The following KHDC4 variants were observed in gnomAD, a reference collection of about 807,000 sequenced individuals.
KHDC4 encodes the protein KH domain containing 4, pre-mRNA splicing factor.
In KHDC4, 19 loss-of-function variants were observed where a neutral mutation model predicts 74.5. That is an observed-to-expected ratio of 0.26 (90% CI 0.18 to 0.37). KHDC4 has a LOEUF of 0.37. Ranked by LOEUF, KHDC4 falls within the 10% of genes least tolerant of loss-of-function variation. The pLI is 1.00. For missense variants in KHDC4, 632 were observed against 754.1 expected (o/e 0.84, Z 1.90); for synonymous variants, 253 against 266.1 (o/e 0.95, Z 0.48).
intron 11 of KHDC4, 177 bp from the exon 12 acceptor site, chr1:155,916,914 T>C: frequency 1.9e-6 from 1 of 521,456 alleles, no homozygotes; most frequent in Non-Finnish European, 3.4e-6. Context: ...TTTTTTTTTT[T>C]CTCTATAGGA....
In KHDC4 at chr1:155,929,908, T is replaced by C. The variant is rs1674105885; in HGVS notation, c.256-68A>G. ...ATAAAGTCTATTTTTTTATTTTATT[T>C]ATTTACTTATTTATTTTTTCATTTT... On this transcript the variant is annotated intron_variant, in intron 2 of 13. Transcript: ENST00000368321. 3.4e-5 allele frequency: 37 copies of C among 1,079,874 alleles called. No individual in the cohort carries two copies. The South Asian group carries it at 8.3e-4, about 24-fold the overall frequency. The allele number at this position is 1,079,874 out of a possible 1,614,324, so 66.9% of individuals were successfully genotyped here.
In KHDC4 at chr1:155,925,607, T is replaced by C. The variant is rs969634531; in HGVS notation, c.893+25A>G. On this transcript the variant is annotated intron_variant, in intron 7 of 13. Transcript: ENST00000368321. ...ACCAACAAGTTGACAAGAATTCACA[T>C]GTCCCCTGCCCTATCCATCCATACC... 5.7e-6 allele frequency: 9 copies of C among 1,590,608 alleles called. No homozygotes were observed. In the African/African-American group the frequency reaches 9.4e-5, roughly 17 times the overall value.
intron 2 of KHDC4, among the ~76,000 whole-genome samples, chr1:155,931,290 C>CAAAAAAA (rs55769714): frequency 9.1e-6 from 1 of 109,660 alleles, no homozygotes. Context: ...ACTCTATCAC[C>CAAAAAAA]AAAAAAAAAA....
intron 10 of KHDC4, among the ~76,000 whole-genome samples, chr1:155,918,708 T>C (rs985638728): frequency 6.6e-6 from 1 of 151,772 alleles, no homozygotes; most frequent in African/African-American, 2.4e-5. Flanking sequence ...GCTACTATAA[T>C]TTTACAGGAC....
At chr1:155,926,876 A>T in intron 5 of KHDC4, 37 bp from the exon 6 acceptor site, 2 of 1,608,664 alleles carry the variant, frequency 1.2e-6, no homozygotes, top group Non-Finnish European at 1.7e-6. Context: ...GAATGGAATG[A>T]ACTGACTAGT....
At chr1:155,923,959 C>T (rs506688) in intron 7 of KHDC4, among the ~76,000 whole-genome samples, 123,334 of 152,128 alleles carry the variant, frequency 0.81, 52,139 homozygotes, top group East Asian at 0.94. Context: ...TACTATAAAA[C>T]GTATTAATAT....
At chr1:155,932,112 TGA>T (rs1479244420) in intron 2 of KHDC4, among the ~76,000 whole-genome samples, 1 of 152,198 alleles carries the variant, frequency 6.6e-6, no homozygotes, top group Non-Finnish European at 1.5e-5. Context: ...ATATGGAGCC[TGA>T]GAGTATTTAA....
chr1:155,933,588 A>C (rs1194499189), intron 2 of KHDC4, 45 bp downstream of exon 2: 2 of 1,500,588 alleles, frequency 1.3e-6, no homozygotes, highest in African/African-American at 2.8e-5. Flanking sequence ...CCGGCAAAAC[A>C]ACTATTAAAT....
intron 11 of KHDC4, among the ~76,000 whole-genome samples, chr1:155,917,289 A>G (rs1231681646): frequency 1.3e-5 from 2 of 152,200 alleles, no homozygotes; most frequent in Admixed American, 6.5e-5. Context: ...ACATACTGGT[A>G]GATCAAGAGC....
chr1:155,923,017 A>G (rs1673900066), intron 8 of KHDC4, among the ~76,000 whole-genome samples: 1 of 152,064 alleles, frequency 6.6e-6, no homozygotes, highest in South Asian at 2.1e-4. Flanking sequence ...CATCCCGGCT[A>G]AAACGGTGAA....
chr1:155,921,162 G>T (rs1255505812), intron 10 of KHDC4: 8 of 576,202 alleles, frequency 1.4e-5, no homozygotes, highest in Non-Finnish European at 2.4e-5. Context: ...GCTATTTGGT[G>T]TGCAAGACTT....
Position 155,913,852 on chromosome 1 carries a change from T to C in KHDC4, c.*269A>G, listed in dbSNP as rs1436091156. ...ATGGGAACGACCCTGTTAGGATGCT[T>C]TGTTGGACAAGCACATTTCACCAAC... is the stretch of plus-strand genomic sequence containing the variant. On this transcript the variant is annotated 3_prime_UTR_variant, in exon 14 of 14. Coordinates refer to ENST00000368321, the MANE Select transcript of KHDC4 (RefSeq NM_014949.4). The C allele has an allele frequency of 2.2e-6, 1 of 450,546 alleles. No individual in the cohort carries two copies. The highest frequency in any genetic ancestry group is 3.7e-5 in the Admixed American group (1 of 27,128). The allele number at this position is 450,546 out of a possible 1,614,324, so 27.9% of individuals were successfully genotyped here. A position where few individuals can be genotyped will look rare whatever the true frequency, so the allele number is the denominator to read the frequency against.
At chr1:155,934,225 C>T in intron 1 of KHDC4, 111 bp downstream of exon 1, 1 of 1,161,632 alleles carries the variant, frequency 8.6e-7, no homozygotes, top group South Asian at 1.3e-5. Context: ...AACGTCCAGC[C>T]CTTTACTTCC....
chr1:155,927,018 T>C (rs1321753910), intron 5 of KHDC4, 86 bp downstream of exon 5: 2 of 1,391,064 alleles, frequency 1.4e-6, no homozygotes, highest in African/African-American at 2.8e-5. Flanking sequence ...AGAACAGCCA[T>C]CAGGGACACT....
At chr1:155,919,002 T>C (rs943305059) in intron 10 of KHDC4, among the ~76,000 whole-genome samples, 18 of 139,208 alleles carry the variant, frequency 1.3e-4, no homozygotes, top group Non-Finnish European at 2.4e-4. Flanking sequence ...TGAGTTTTGC[T>C]TGTCACCCAG....
chr1:155,917,681 A>G lies in KHDC4; in HGVS notation c.1267-9T>C. 6.7e-7 allele frequency: 1 copy of G among 1,502,078 alleles called. No individual in the cohort carries two copies. The highest frequency in any genetic ancestry group is 8.8e-7 in the Non-Finnish European group (1 of 1,130,656). 93.0% of individuals were successfully genotyped at this position (1,502,078 alleles called of 1,614,324 possible). ...GGACCACCCATCGGACTCTGGGACC[A>G]AAACAAACCAAGGAAGAAAAAAAGT... On this transcript the variant is annotated splice_polypyrimidine_tract_variant and intron_variant, in intron 10 of 13. Coordinates refer to ENST00000368321, the MANE Select transcript of KHDC4 (RefSeq NM_014949.4).
At chr1:155,922,122 C>T (rs1462299285) in intron 8 of KHDC4, 12 of 353,652 alleles carry the variant, frequency 3.4e-5, no homozygotes, top group Non-Finnish European at 4.2e-5. Flanking sequence ...AGTGCAGTGG[C>T]GCGATCTTGT....
At chr1:155,931,327 A>C (rs1032148129) in intron 2 of KHDC4, among the ~76,000 whole-genome samples, 25 of 151,922 alleles carry the variant, frequency 1.6e-4, no homozygotes, top group Middle Eastern at 3.4e-3. Context: ...GACAGAAAGA[A>C]AGAAAGAAAG....
chr1:155,930,474 T>C (rs1674118052), intron 2 of KHDC4, among the ~76,000 whole-genome samples: 1 of 152,188 alleles, frequency 6.6e-6, no homozygotes, highest in African/African-American at 2.4e-5. Flanking sequence ...CTCTAGGGAC[T>C]AGAAGCTACA....
Sources: gnomAD v4.1 joint callset for allele counts (sites outside exome capture counted in the v4.1 genomes callset) on GRCh38, gnomAD v4.1.1 for gene constraint, MANE v1.5 for transcripts, NCBI Gene and HGNC (gene_info 2026-07-23, HGNC 2026-07-21) for gene names.